Variants in SLCO6A1 observed in about 807,000 individuals in gnomAD.
The protein encoded by SLCO6A1 is solute carrier organic anion transporter family member 6A1.
Under a neutral mutation model 72.7 loss-of-function variants are expected in SLCO6A1, and 65 were observed. The ratio of observed to expected loss-of-function variants is 0.89; its 90% CI spans 0.73 to 1.10. SLCO6A1 has a LOEUF of 1.10. Ranked by LOEUF, SLCO6A1 falls within the 50% of genes least tolerant of loss-of-function variation. SLCO6A1 has a pLI of 0.00. For missense variants in SLCO6A1, 874 were observed against 872.6 expected (o/e 1.00, Z -0.02); for synonymous variants, 314 against 298.2 (o/e 1.05, Z -0.55).
intron 10 of SLCO6A1, among the ~76,000 whole-genome samples, chr5:102,396,154 C>T (rs926824295): frequency 6.6e-6 from 1 of 152,094 alleles, no homozygotes; most frequent in Admixed American, 6.6e-5. Context: ...AGGTTTTCTT[C>T]TAGGGTTTTT....
intron 1 of SLCO6A1, among the ~76,000 whole-genome samples, chr5:102,489,690 G>C (rs1015371135): frequency 2.6e-5 from 4 of 152,124 alleles, no homozygotes; most frequent in African/African-American, 9.6e-5. Flanking sequence ...CAGTATGGAG[G>C]TTCCTCAAAA....
chr5:102,377,883 AGGCTG>A (rs1745892131), intron 12 of SLCO6A1, among the ~76,000 whole-genome samples: 1 of 137,502 alleles, frequency 7.3e-6, no homozygotes, highest in African/African-American at 2.7e-5. Context: ...CATATTGCCC[AGGCTG>A]GTCTTAAACT....
intron 7 of SLCO6A1, among the ~76,000 whole-genome samples, chr5:102,433,141 A>G (rs1328543832): frequency 6.6e-6 from 1 of 152,074 alleles, no homozygotes; most frequent in Non-Finnish European, 1.5e-5. Context: ...GTTCTTTTCT[A>G]TACTGGCTAC....
intron 10 of SLCO6A1, among the ~76,000 whole-genome samples, chr5:102,396,090 A>G (rs1448362964): frequency 4.6e-5 from 7 of 152,148 alleles, no homozygotes; most frequent in East Asian, 3.9e-4. Context: ...CATTGCTTTC[A>G]GTGTTTTAGA....
At chr5:102,470,882 G>T (rs1185191463) in intron 4 of SLCO6A1, among the ~76,000 whole-genome samples, 2 of 152,074 alleles carry the variant, frequency 1.3e-5, no homozygotes, top group Non-Finnish European at 2.9e-5. Flanking sequence ...GAATGCAGTG[G>T]ATTCTGTGAA....
intron 1 of SLCO6A1, among the ~76,000 whole-genome samples, chr5:102,484,414 C>A (rs2112842361): frequency 6.6e-6 from 1 of 152,150 alleles, no homozygotes; most frequent in South Asian, 2.1e-4. Flanking sequence ...GTTTGGGAGG[C>A]CGAGATGGGT....
Position 102,498,971 on chromosome 5 carries a change from C to A in SLCO6A1, c.-127G>T. 1 of 873,472 alleles carries A rather than the reference C, an allele frequency of 1.1e-6. No homozygotes were observed. The highest frequency in any genetic ancestry group is 1.6e-5 in the South Asian group (1 of 60,670). The allele number at this position is 873,472 out of a possible 1,614,324, so 54.1% of individuals were successfully genotyped here. ...CTCGGTGGCCACAAGGGGCTCTTGC[C>A]GCCCAAGCCTCCAGAGCGAACGTTT... On this transcript the variant is annotated 5_prime_UTR_variant, in exon 1 of 14. Transcript: ENST00000506729.
At chr5:102,443,062 T>C (rs956948150) in intron 6 of SLCO6A1, among the ~76,000 whole-genome samples, 50 of 152,240 alleles carry the variant, frequency 3.3e-4, no homozygotes, top group African/African-American at 1.2e-3. Flanking sequence ...CCGGGCGTAG[T>C]GGCAGGCACC....
intron 4 of SLCO6A1, among the ~76,000 whole-genome samples, chr5:102,474,465 A>G (rs1190465752): frequency 6.6e-6 from 1 of 152,124 alleles, no homozygotes; most frequent in Non-Finnish European, 1.5e-5. Flanking sequence ...TTGAAACCAT[A>G]AAGTTCCTAG....
chr5:102,420,949 G>T (rs538107904), intron 7 of SLCO6A1, among the ~76,000 whole-genome samples: 1 of 152,118 alleles, frequency 6.6e-6, no homozygotes, highest in Non-Finnish European at 1.5e-5. Context: ...ATTAGATAGC[G>T]GGTGTAGCCC....
chr5:102,458,600 T>C, intron 5 of SLCO6A1, 109 bp from the exon 6 acceptor site: 1 of 677,366 alleles, frequency 1.5e-6, no homozygotes, highest in South Asian at 2.0e-5. Flanking sequence ...AAATGGCAAA[T>C]GAGTTATTTT....
intron 1 of SLCO6A1, among the ~76,000 whole-genome samples, chr5:102,482,022 G>A (rs1752221083): frequency 6.6e-6 from 1 of 152,150 alleles, no homozygotes; most frequent in Admixed American, 6.5e-5. Context: ...AAACTTTGCT[G>A]CACCCAGGAT....
At chr5:102,404,254 A>G (rs1747550921) in intron 9 of SLCO6A1, among the ~76,000 whole-genome samples, 1 of 152,132 alleles carries the variant, frequency 6.6e-6, no homozygotes, top group South Asian at 2.1e-4. Context: ...CCAGCACTTT[A>G]GGACACTGAG....
At chr5:102,397,438 G>T (rs145068790) in intron 10 of SLCO6A1, among the ~76,000 whole-genome samples, 1 of 152,262 alleles carries the variant, frequency 6.6e-6, no homozygotes, top group African/African-American at 2.4e-5. Flanking sequence ...TAGTTCAAAA[G>T]AGCTTTTACT....
intron 6 of SLCO6A1, among the ~76,000 whole-genome samples, chr5:102,455,486 T>C (rs1485220482): frequency 1.3e-5 from 2 of 152,154 alleles, no homozygotes; most frequent in Admixed American, 1.3e-4. Flanking sequence ...AACTCTACAA[T>C]GTCTATATTG....
In SLCO6A1 at chr5:102,450,092, A is replaced by G. The variant is rs151111204; in HGVS notation, c.1131+8290T>C. Among the ~76,000 whole-genome samples the G allele has an allele frequency of 1.3e-4, 20 of 152,304 alleles. No individual in the cohort carries two copies. The East Asian group carries it at 3.3e-3, about 25-fold the overall frequency. The stretch of plus-strand genomic sequence containing the variant: ...GGTTTCAGCATTATTCTGAATATCT[A>G]AAATCTTCATTTCCATGCAGATTCT... On this transcript the variant is annotated intron_variant, in intron 6 of 13. Transcript: ENST00000506729.
intron 2 of SLCO6A1, among the ~76,000 whole-genome samples, chr5:102,479,771 C>T (rs548536572): frequency 1.3e-5 from 2 of 152,216 alleles, no homozygotes; most frequent in Admixed American, 1.3e-4. Flanking sequence ...CACAACCATG[C>T]AAATCCCACT....
chr5:102,487,909 C>T (rs1338837156), intron 1 of SLCO6A1, among the ~76,000 whole-genome samples: 1 of 152,162 alleles, frequency 6.6e-6, no homozygotes, highest in Non-Finnish European at 1.5e-5. Flanking sequence ...TTTTTAACCA[C>T]TGTAAAACAA....
chr5:102,498,453 C>T, intron 1 of SLCO6A1, 34 bp downstream of exon 1: 1 of 1,584,078 alleles, frequency 6.3e-7, no homozygotes, highest in African/African-American at 1.3e-5. Context: ...CCCCAGCTGC[C>T]CTCGCCACAA....
Sources: gnomAD v4.1 joint callset for allele counts (sites outside exome capture counted in the v4.1 genomes callset) on GRCh38, gnomAD v4.1.1 for gene constraint, MANE v1.5 for transcripts, NCBI Gene and HGNC (gene_info 2026-07-23, HGNC 2026-07-21) for gene names.